The following OLA1 variants were observed in gnomAD, a reference collection of about 807,000 sequenced individuals.
OLA1 encodes the protein obg-like ATPase 1.
Under a neutral mutation model 48.4 loss-of-function variants are expected in OLA1, and 14 were observed. The observed-to-expected ratio is 0.29, with a 90% CI of 0.19 to 0.45. The LOEUF is 0.45. Ranked by LOEUF, OLA1 falls within the 20% of genes least tolerant of loss-of-function variation. OLA1 has a pLI of 1.00. For missense variants in OLA1, 325 were observed against 467.1 expected (o/e 0.70, Z 2.80); for synonymous variants, 127 against 150.4 (o/e 0.84, Z 1.14).
In OLA1 at chr2:174,174,017, C is replaced by CAT. The variant is rs1426093756; in HGVS notation, c.374-32018_374-32017insAT. Among the ~76,000 whole-genome samples the CAT allele has an allele frequency of 1.6e-3, 104 of 65,658 alleles. 1 individual carries two copies. The South Asian group carries it at 0.016, about 10-fold the overall frequency. 43.1% of individuals were successfully genotyped at this position (65,658 alleles called of 152,430 possible). On this transcript the variant is annotated intron_variant, in intron 4 of 10. Coordinates refer to ENST00000284719, the MANE Select transcript of OLA1 (RefSeq NM_013341.5). ...TGAAATAAAAACCTTCCCATACATA[C>CAT]ACACACACACACACACACAAAAAAA...
intron 7 of OLA1, among the ~76,000 whole-genome samples, chr2:174,112,034 T>C (rs1037007715): frequency 1.2e-4 from 18 of 152,232 alleles, no homozygotes; most frequent in African/African-American, 4.3e-4. Context: ...TGGCATTTTC[T>C]AATTAGGTTA....
intron 4 of OLA1, among the ~76,000 whole-genome samples, chr2:174,203,589 C>T (rs1688038903): frequency 6.6e-6 from 1 of 151,880 alleles, no homozygotes; most frequent in Non-Finnish European, 1.5e-5. Flanking sequence ...GCAGAAGCCA[C>T]TGTGCCTGGT....
chr2:174,195,185 A>G (rs1018627260), intron 4 of OLA1, among the ~76,000 whole-genome samples: 1 of 152,184 alleles, frequency 6.6e-6, no homozygotes, highest in Non-Finnish European at 1.5e-5. Context: ...AACCATTTTA[A>G]GGCATATAAA....
chr2:174,155,533 A>C lies in OLA1; in HGVS notation c.374-13533T>G, dbSNP rs150335673. ...CAAACTACAGACTGCAATAGAAGACACAAGAAATTTCTTGTTATCTCTTCA... is the reference window on the plus strand; with the variant it reads ...CAAACTACAGACTGCAATAGAAGACCCAAGAAATTTCTTGTTATCTCTTCA... On this transcript the variant is annotated intron_variant, in intron 4 of 10. Transcript: ENST00000284719. Among the ~76,000 whole-genome samples the C allele has an allele frequency of 3.3e-5, 5 of 152,372 alleles. No homozygotes were observed. The East Asian group carries it at 9.6e-4, about 29-fold the overall frequency.
intron 7 of OLA1, among the ~76,000 whole-genome samples, chr2:174,092,652 ACT>A (rs1685155558): frequency 6.6e-6 from 1 of 152,096 alleles, no homozygotes; most frequent in Admixed American, 6.5e-5. Context: ...ACAGAGTTAG[ACT>A]CTGTCTCAAA....
chr2:174,167,009 T>C lies in OLA1; in HGVS notation c.374-25009A>G, dbSNP rs182027572. On this transcript the variant is annotated intron_variant, in intron 4 of 10. Transcript: ENST00000284719. Reference sequence around the variant, plus strand: ...TAATAATTGTTATGCAAGATAAAGATTAACTAACATTAAAAGGAGTCAACA... The same window carrying C: ...TAATAATTGTTATGCAAGATAAAGACTAACTAACATTAAAAGGAGTCAACA... 4.6e-3 allele frequency among the ~76,000 whole-genome samples: 700 copies of C among 152,236 alleles called. 4 individuals carry two copies. Among genetic ancestry groups the C allele is most frequent in the Non-Finnish European group, 7.9e-3 (534 of 68,020 alleles).
intron 4 of OLA1, among the ~76,000 whole-genome samples, chr2:174,174,338 G>A (rs1254257806): frequency 1.3e-5 from 2 of 151,960 alleles, no homozygotes; most frequent in Non-Finnish European, 2.9e-5. Context: ...TAATGATGGA[G>A]TGAGTTTATC....
chr2:174,094,957 T>C (rs1453318955), intron 7 of OLA1, among the ~76,000 whole-genome samples: 3 of 152,244 alleles, frequency 2.0e-5, no homozygotes, highest in African/African-American at 7.2e-5. Flanking sequence ...GGTTCATTCA[T>C]GTTTTAGCAT....
intron 4 of OLA1, among the ~76,000 whole-genome samples, chr2:174,151,240 C>T (rs899011376): frequency 2.0e-5 from 3 of 152,072 alleles, no homozygotes; most frequent in South Asian, 2.1e-4. Flanking sequence ...ATCAGAAGAA[C>T]GGCATTAGAA....
intron 4 of OLA1, among the ~76,000 whole-genome samples, chr2:174,192,179 TA>T (rs1322847179): frequency 1.3e-5 from 2 of 152,214 alleles, no homozygotes; most frequent in Non-Finnish European, 2.9e-5. Context: ...CATTTTTCAT[TA>T]ATCTGAGTCC....
chr2:174,105,871 G>A (rs67020109), intron 7 of OLA1, among the ~76,000 whole-genome samples: 17,315 of 151,902 alleles, frequency 0.11, 2,301 homozygotes, highest in East Asian at 0.72. Context: ...AAGACTTAAC[G>A]AGTATCTTCT....
chr2:174,170,808 G>A (rs1347167894), intron 4 of OLA1, among the ~76,000 whole-genome samples: 2 of 152,188 alleles, frequency 1.3e-5, no homozygotes, highest in African/African-American at 4.8e-5. Flanking sequence ...AGAGGCTGAA[G>A]TGGGAGGATT....
At chr2:174,187,224 G>A (rs1009030747) in intron 4 of OLA1, among the ~76,000 whole-genome samples, 6 of 152,106 alleles carry the variant, frequency 3.9e-5, no homozygotes, top group Non-Finnish European at 7.3e-5. Flanking sequence ...ATTTGCCAAG[G>A]TCATCACTGA....
chr2:174,135,872 A>G (rs1247405470), intron 5 of OLA1, among the ~76,000 whole-genome samples: 1 of 152,234 alleles, frequency 6.6e-6, no homozygotes, highest in Non-Finnish European at 1.5e-5. Context: ...GCTATAAAGC[A>G]AGTAAAAGTA....
At chr2:174,082,613 C>T (rs770546324) in intron 7 of OLA1, among the ~76,000 whole-genome samples, 7 of 152,192 alleles carry the variant, frequency 4.6e-5, no homozygotes, top group Admixed American at 2.0e-4. Flanking sequence ...AGAACAAGCA[C>T]GTGCAGAAAT....
intron 4 of OLA1, among the ~76,000 whole-genome samples, chr2:174,216,638 A>C (rs967644751): frequency 6.6e-6 from 1 of 152,044 alleles, no homozygotes; most frequent in Non-Finnish European, 1.5e-5. Flanking sequence ...CCACAGCCTC[A>C]AACTCTTGGG....
At chr2:174,199,672 C>A (rs116337934) in intron 4 of OLA1, among the ~76,000 whole-genome samples, 288 of 152,038 alleles carry the variant, frequency 1.9e-3, no homozygotes, top group African/African-American at 6.6e-3. Flanking sequence ...TTCCAAACAA[C>A]CAAATGGGTA....
chr2:174,164,130 C>T (rs1378326386), intron 4 of OLA1, among the ~76,000 whole-genome samples: 1 of 151,946 alleles, frequency 6.6e-6, no homozygotes, highest in Non-Finnish European at 1.5e-5. Context: ...AGGTGCCTTC[C>T]ACCATGCTTG....
At chr2:174,082,992 T>C (rs949286066) in intron 7 of OLA1, among the ~76,000 whole-genome samples, 2 of 152,118 alleles carry the variant, frequency 1.3e-5, no homozygotes, top group Non-Finnish European at 2.9e-5. Flanking sequence ...GTACATATTA[T>C]ATTGTAAGGA....
Sources: gnomAD v4.1 joint callset for allele counts (sites outside exome capture counted in the v4.1 genomes callset) on GRCh38, gnomAD v4.1.1 for gene constraint, MANE v1.5 for transcripts, NCBI Gene and HGNC (gene_info 2026-07-23, HGNC 2026-07-21) for gene names.